Variants in RIF1 observed in about 807,000 individuals in gnomAD.
The protein encoded by RIF1 is telomere-associated protein RIF1.
A neutral mutation model predicts 247.1 loss-of-function variants in RIF1; 45 were observed. The ratio of observed to expected loss-of-function variants is 0.18; its 90% CI spans 0.14 to 0.23. The LOEUF (loss-of-function observed/expected upper bound fraction) is 0.23, where lower values mean the gene tolerates loss of function less well. Among genes scored for constraint, RIF1 ranks in the 10% least tolerant of loss-of-function variants. RIF1 has a pLI of 1.00. For synonymous variants in RIF1, 1,087 were observed against 978.8 expected, an observed-to-expected ratio of 1.11 and a Z score of -2.06; for missense variants, 2,967 against 2,862.5, an observed-to-expected ratio of 1.04 and a Z score of -0.83.
In RIF1 at chr2:151,465,395, CTG is replaced by C. The variant is rs1696745948; in HGVS notation, c.5876_5877del (p.Leu1959GlnfsTer8). On this transcript the variant is annotated frameshift_variant, in exon 30 of 36. Coordinates refer to ENST00000444746, the MANE Select transcript of RIF1 (RefSeq NM_018151.5). LOFTEE classifies it high-confidence loss of function. ...NDDSEADTAK[L>X]NAKEVATEEF... is the part of the protein sequence containing the mutation. ...TGACTCTGAAGCAGACACAGCTAAA[CTG>C]AATGCCAAAGAAGTAGCAACTGAGG... 1 of 1,613,512 alleles carries C rather than the reference CTG, an allele frequency of 6.2e-7. No homozygotes were observed. Among genetic ancestry groups the C allele is most frequent in the African/African-American group, 1.3e-5 (1 of 74,974 alleles).
intron 9 of RIF1, chr2:151,494,382 G>T: frequency 1.5e-6 from 1 of 661,506 alleles, no homozygotes; most frequent in Non-Finnish European, 2.6e-6. Context: ...AGGTTAGATG[G>T]AAAGTAGTAT....
chr2:151,519,871 G>T, the RIF1 span: 1 of 724,340 alleles, frequency 1.4e-6, no homozygotes. Flanking sequence ...ATTGTACATA[G>T]AGTGATCATA....
Position 151,460,053 on chromosome 2 carries a change from T to C in RIF1, c.3009T>C (p.Asn1003=), listed in dbSNP as rs201172828. ...TAAGTGGCATGGAGAGAAAATCAAA[T>C]GGAAAAAGAGATTCATTTTTGGCAC... ...VKISGMERKS[N]GKRDSFLAQT... Residue 1003 remains asparagine, a synonymous_variant, in exon 26 of 36, where the codon AAT becomes AAC. Coordinates refer to ENST00000444746, the MANE Select transcript of RIF1 (RefSeq NM_018151.5). 2.5e-6 allele frequency: 4 copies of C among 1,568,762 alleles called. No homozygotes were observed. Among genetic ancestry groups the C allele is most frequent in the Non-Finnish European group, 3.5e-6 (4 of 1,151,832 alleles).
Position 151,452,580 on chromosome 2 carries a change from C to G in RIF1, c.2344+875C>G, listed in dbSNP as rs201328921. Among the ~76,000 whole-genome samples, 6 of 152,282 alleles carry G rather than the reference C, an allele frequency of 3.9e-5. No homozygotes were observed. The East Asian group carries it at 1.2e-3, about 29-fold the overall frequency. ...TAAGCTCCTGAAGTATATTATAGGT[C>G]AGAGCATCCCGGCCTGAGTGCCGTG... On this transcript the variant is annotated intron_variant, in intron 21 of 35. Coordinates refer to ENST00000444746, the MANE Select transcript of RIF1 (RefSeq NM_018151.5).
chr2:151,456,772 A>C (rs948311813), intron 23 of RIF1, 152 bp downstream of exon 23: 97 of 511,414 alleles, frequency 1.9e-4, no homozygotes, highest in Non-Finnish European at 2.2e-4. Context: ...TGCTCTTGTC[A>C]CCCAAGCTGG....
chr2:151,503,398 A>G, intron 12 of RIF1: 1 of 1,613,016 alleles, frequency 6.2e-7, no homozygotes. Flanking sequence ...CTCTGGAGTC[A>G]CAGTGGTTGG....
chr2:151,410,630 C>T (rs956618481), intron 2 of RIF1, 103 bp downstream of exon 2: 14 of 961,824 alleles, frequency 1.5e-5, no homozygotes, highest in East Asian at 5.1e-5. Flanking sequence ...TTCTAGAAGT[C>T]TAGCAAATGT....
intron 9 of RIF1, 104 bp downstream of exon 9, chr2:151,429,026 A>G: frequency 1.5e-6 from 1 of 684,788 alleles, no homozygotes; most frequent in African/African-American, 1.8e-5. Context: ...GAAGTTAAGT[A>G]ACTACTGAAT....
the RIF1 span, among the ~76,000 whole-genome samples, chr2:151,521,168 A>G: frequency 6.6e-6 from 1 of 152,138 alleles, no homozygotes; most frequent in African/African-American, 2.4e-5. Context: ...ACCTCCCCCA[A>G]CTTGACACAT....
intron 13 of RIF1, chr2:151,506,919 T>G: frequency 6.3e-7 from 1 of 1,598,494 alleles, no homozygotes; most frequent in Admixed American, 1.7e-5. Context: ...CGAGCTGAAA[T>G]TCTTCTGATT....
At chr2:151,519,187 AT>A in the RIF1 span, 1 of 736,260 alleles carries the variant, frequency 1.4e-6, no homozygotes. Context: ...ATGAAAAATC[AT>A]ACCTCATTCA....
chr2:151,423,786 A>T (rs1363424655), intron 8 of RIF1: 1 of 152,236 alleles, frequency 6.6e-6, no homozygotes, highest in East Asian at 1.9e-4. Flanking sequence ...TTTGGGTGGT[A>T]GGGGGTGTGC....
chr2:151,497,964 T>C, intron 10 of RIF1: 2 of 1,436,512 alleles, frequency 1.4e-6, no homozygotes, highest in Non-Finnish European at 1.8e-6. Context: ...TTCATTTTTG[T>C]GAGTACGGTG....
chr2:151,456,608 T>C lies in RIF1; in HGVS notation c.2640T>C (p.Cys880=). The change falls in exon 23 of 36, where the codon TGT becomes TGC. Residue 880 remains cysteine (C), a synonymous_variant. Transcript: ENST00000444746. ...KLDEVPKVYS[C]LNNKLEKLLG... is the part of the protein sequence containing the mutation. ...ATGAAGTTCCTAAAGTATATAGTTG[T>C]CTGAACAACAAGGTAAAAATAGACA... The C allele has an allele frequency of 6.6e-7, 1 of 1,517,394 alleles. No homozygotes were observed. The highest frequency in any genetic ancestry group is 9.1e-7 in the Non-Finnish European group (1 of 1,103,886). The allele number at this position is 1,517,394 out of a possible 1,614,324, so 94.0% of individuals were successfully genotyped here.
chr2:151,492,653 G>C (rs1188533136), intron 9 of RIF1: 1 of 434,906 alleles, frequency 2.3e-6, no homozygotes, highest in Admixed American at 4.0e-5. Context: ...GGCTAATCTG[G>C]GGACCAGAAG....
At chr2:151,519,640 A>G in the RIF1 span, 2 of 1,560,586 alleles carry the variant, frequency 1.3e-6, no homozygotes, top group East Asian at 4.5e-5. Context: ...ATATTTTACC[A>G]CAATTTTAGA....
At chr2:151,444,593 C>T (rs1179651401) in intron 18 of RIF1, among the ~76,000 whole-genome samples, 2 of 152,318 alleles carry the variant, frequency 1.3e-5, no homozygotes, top group East Asian at 1.9e-4. Context: ...CCACTGTGCT[C>T]AGCTTTTTAC....
chr2:151,525,882 C>A, the RIF1 span: 1 of 1,142,702 alleles, frequency 8.8e-7, no homozygotes, highest in Non-Finnish European at 1.3e-6. Context: ...AAGCAAAAGG[C>A]AACTGACATT....
rs764600418 is a variant in RIF1, at chr2:151,461,236, T to G, written c.3174T>G (p.Asp1058Glu). ...TGTTTATACCTCCAGAAGGAAAAGA[T>G]GCAAAGGAAAGAATATTAACTGATC... is the stretch of plus-strand genomic sequence containing the variant. The part of the protein sequence containing the change: ...DFVFIPPEGK[D>E]AKERILTDHQ... The change falls in exon 27 of 36, where the codon GAT becomes GAG. Residue 1058 changes from aspartate to glutamate, a missense_variant. Transcript: ENST00000444746. 6.2e-7 allele frequency: 1 copy of G among 1,613,640 alleles called. No individual in the cohort carries two copies. Among genetic ancestry groups the G allele is most frequent in the Non-Finnish European group, 8.5e-7 (1 of 1,179,844 alleles).
Sources: allele counts gnomAD v4.1 joint callset (sites outside exome capture counted in the v4.1 genomes callset), GRCh38; gene constraint gnomAD v4.1.1; transcripts MANE v1.5; gene names NCBI Gene and HGNC (gene_info 2026-07-23, HGNC 2026-07-21).